The following CHRNA5 variants were observed in gnomAD, a reference collection of about 807,000 sequenced individuals.
CHRNA5 encodes cholinergic receptor nicotinic alpha 5 subunit.
Under a neutral mutation model 41.2 loss-of-function variants are expected in CHRNA5, and 28 were observed. That is an observed-to-expected ratio of 0.68 (90% CI 0.50 to 0.93). The LOEUF (loss-of-function observed/expected upper bound fraction) is 0.93. Ranked by LOEUF, CHRNA5 falls within the 40% of genes least tolerant of loss-of-function variation. The probability of loss-of-function intolerance (pLI) is 0.00; values close to 1 mark genes in which losing one functional copy is unlikely to be tolerated. For missense variants in CHRNA5, 481 were observed against 581.9 expected (o/e 0.83, Z 1.78); for synonymous variants, 188 against 205.8 (o/e 0.91, Z 0.74).
chr15:78,578,259 G>A (rs1306252953), intron 1 of CHRNA5, among the ~76,000 whole-genome samples: 1 of 152,206 alleles, frequency 6.6e-6, no homozygotes, highest in Non-Finnish European at 1.5e-5. Flanking sequence ...TGTAATCCCA[G>A]CACTTTGGGA....
At chr15:78,593,405 TTTGA>T (rs2053044360) in exon 6 of CHRNA5, 1 of 667,150 alleles carries the variant, frequency 1.5e-6, no homozygotes, top group African/African-American at 1.8e-5. Flanking sequence ...AGATGATCCA[TTTGA>T]ACAGTTGGCT....
At chr15:78,573,509 T>C (rs531444523) in intron 1 of CHRNA5, among the ~76,000 whole-genome samples, 1 of 152,352 alleles carries the variant, frequency 6.6e-6, no homozygotes, top group South Asian at 2.1e-4. Flanking sequence ...AGTAAGCAGC[T>C]AGTTGGCATT....
intron 2 of CHRNA5, among the ~76,000 whole-genome samples, chr15:78,583,862 G>T (rs117962853): frequency 1.3e-5 from 2 of 152,134 alleles, no homozygotes; most frequent in Non-Finnish European, 2.9e-5. Flanking sequence ...TGTCCATCTG[G>T]AATTGCTGGC....
chr15:78,586,641 A>T lies in CHRNA5; in HGVS notation c.259-4A>T. 6.5e-7 allele frequency: 1 copy of T among 1,547,674 alleles called. No homozygotes were observed. On this transcript the variant is annotated splice_region_variant and splice_polypyrimidine_tract_variant and intron_variant, in intron 2 of 5. Coordinates refer to ENST00000299565, the Ensembl canonical transcript of CHRNA5. ...AATCTTATTTAAATTTTTATTTTTT[A>T]AAGGATGAGAAAAATCAGTTAATGA...
At chr15:78,574,299 GA>G (rs1347908571) in intron 1 of CHRNA5, among the ~76,000 whole-genome samples, 1 of 149,824 alleles carries the variant, frequency 6.7e-6, no homozygotes, top group Non-Finnish European at 1.5e-5. Flanking sequence ...AGAATTGCTT[GA>G]ACCTGGGAGG....
At chr15:78,571,478 A>G (rs2052804401) in intron 1 of CHRNA5, among the ~76,000 whole-genome samples, 1 of 152,106 alleles carries the variant, frequency 6.6e-6, no homozygotes, top group African/African-American at 2.4e-5. Flanking sequence ...AATATTGTAA[A>G]TATACTAGCT....
chr15:78,568,425 A>G (rs991592945), intron 1 of CHRNA5, among the ~76,000 whole-genome samples: 1 of 151,418 alleles, frequency 6.6e-6, no homozygotes, highest in African/African-American at 2.4e-5. Flanking sequence ...TTTAAAGCCA[A>G]TGGTTATATT....
At chr15:78,576,426 G>A (rs942418544) in intron 1 of CHRNA5, among the ~76,000 whole-genome samples, 8 of 152,174 alleles carry the variant, frequency 5.3e-5, no homozygotes, top group Non-Finnish European at 1.0e-4. Flanking sequence ...GATTACAGGC[G>A]TGAGCCACCG....
intron 1 of CHRNA5, among the ~76,000 whole-genome samples, chr15:78,578,003 A>G (rs1188809679): frequency 1.3e-5 from 2 of 151,922 alleles, no homozygotes; most frequent in East Asian, 3.9e-4. Context: ...TTCAGGGACT[A>G]TAGGAGGATT....
In CHRNA5 at chr15:78,588,600, T is replaced by TG. The variant is rs1273097088; in HGVS notation, c.413+179dup. Among the ~76,000 whole-genome samples the TG allele has an allele frequency of 3.9e-5, 6 of 152,190 alleles. No individual in the cohort carries two copies. The East Asian group carries it at 1.2e-3, about 29-fold the overall frequency. On this transcript the variant is annotated intron_variant, in intron 4 of 5. Transcript: ENST00000299565. The surrounding 1 kb of genome is among the most constrained non-coding windows in gnomAD (Gnocchi z 4.1). ...TAGATGAGGAAACAGAGGCTTAGGG[T>TG]GGTTGTTCTTTTCCAAGATCACAGA...
chr15:78,583,414 C>T (rs1295160304), intron 2 of CHRNA5, among the ~76,000 whole-genome samples: 1 of 152,178 alleles, frequency 6.6e-6, no homozygotes, highest in Non-Finnish European at 1.5e-5. Context: ...ATACTGTCGG[C>T]CGGGCACAGT....
chr15:78,593,393 A>C (rs2053044005), exon 6 of CHRNA5: 1 of 750,790 alleles, frequency 1.3e-6, no homozygotes, highest in Non-Finnish European at 2.0e-6. Flanking sequence ...ATTTATGTTA[A>C]CAGATGATCC....
intron 2 of CHRNA5, among the ~76,000 whole-genome samples, chr15:78,581,454 A>G (rs2141411540): frequency 6.6e-6 from 1 of 152,324 alleles, no homozygotes; most frequent in Non-Finnish European, 1.5e-5. Context: ...AATTGTACTT[A>G]TTGTCAAGAG....
At chr15:78,584,897 A>T (rs1484598487) in intron 2 of CHRNA5, among the ~76,000 whole-genome samples, 1 of 152,198 alleles carries the variant, frequency 6.6e-6, no homozygotes, top group East Asian at 1.9e-4. Flanking sequence ...TTCTAAAATC[A>T]GTGCTACCAG....
chr15:78,578,392 C>T (rs1018893518), intron 1 of CHRNA5, among the ~76,000 whole-genome samples: 5 of 152,118 alleles, frequency 3.3e-5, no homozygotes, highest in African/African-American at 9.7e-5. Context: ...CCTGTGGTCC[C>T]TGCTGTTCGG....
chr15:78,574,155 C>T (rs1334061753), intron 1 of CHRNA5, among the ~76,000 whole-genome samples: 1 of 150,830 alleles, frequency 6.6e-6, no homozygotes, highest in African/African-American at 2.4e-5. Context: ...CCAAGGCGGG[C>T]GGATCACCTG....
chr15:78,574,635 A>G (rs952561650), intron 1 of CHRNA5, among the ~76,000 whole-genome samples: 1 of 152,182 alleles, frequency 6.6e-6, no homozygotes, highest in South Asian at 2.1e-4. Context: ...TGCCATACCC[A>G]TTTAACAATT....
chr15:78,572,859 A>G (rs2052819151), intron 1 of CHRNA5, among the ~76,000 whole-genome samples: 1 of 152,130 alleles, frequency 6.6e-6, no homozygotes, highest in Non-Finnish European at 1.5e-5. Flanking sequence ...ACATGCATGT[A>G]ATTTAAAATA....
At position 78,588,822 on chromosome 15, in the gene CHRNA5, A is replaced by G. The variant is rs2141420017; in HGVS notation, c.413+399A>G. Among the ~76,000 whole-genome samples, 1 of 151,632 alleles carries G rather than the reference A, an allele frequency of 6.6e-6. No homozygotes were observed. The highest frequency in any genetic ancestry group is 1.5e-5 in the Non-Finnish European group (1 of 67,940). ...ACTGTATCGTCATTTTCCCACAATG[A>G]GGAATGCTGGGTTAATTATCAATTC... On this transcript the variant is annotated intron_variant, in intron 4 of 5. Coordinates refer to ENST00000299565, the Ensembl canonical transcript of CHRNA5. This position sits in a 1 kb window ranked among gnomAD's most constrained non-coding sequence, Gnocchi z 4.1.
Sources: allele counts gnomAD v4.1 joint callset (sites outside exome capture counted in the v4.1 genomes callset), GRCh38; gene constraint gnomAD v4.1.1; non-coding constraint Gnocchi (gnomAD v3.1); transcripts MANE v1.5; gene names NCBI Gene and HGNC (gene_info 2026-07-23, HGNC 2026-07-21).